Variants in FBXW8 observed in about 807,000 individuals in gnomAD.
FBXW8 encodes the protein F-box/WD repeat-containing protein 8.
FBXW8 carries 57 observed loss-of-function variants against 65.3 expected under a neutral mutation model. That is an observed-to-expected ratio of 0.87 (90% CI 0.71 to 1.09). FBXW8 has a LOEUF of 1.09. Among genes scored for constraint, FBXW8 ranks in the 50% least tolerant of loss-of-function variants. The pLI is 0.00. For synonymous variants in FBXW8, 308 were observed against 330.2 expected, an observed-to-expected ratio of 0.93 and a Z score of 0.73; for missense variants, 777 against 814.8, an observed-to-expected ratio of 0.95 and a Z score of 0.57.
intron 8 of FBXW8, 143 bp downstream of exon 8, chr12:117,010,593 C>T: frequency 3.8e-6 from 4 of 1,055,130 alleles, no homozygotes; most frequent in Non-Finnish European, 5.5e-6. Context: ...ACACTCTAGA[C>T]TCAGAGAACA....
At chr12:116,996,316 T>C (rs1406117139) in intron 7 of FBXW8, among the ~76,000 whole-genome samples, 4 of 152,176 alleles carry the variant, frequency 2.6e-5, no homozygotes, top group African/African-American at 9.7e-5. Context: ...ACGTCTCTTA[T>C]GATAATTATT....
At chr12:116,993,725 G>C (rs1289762318) in intron 7 of FBXW8, among the ~76,000 whole-genome samples, 1 of 151,982 alleles carries the variant, frequency 6.6e-6, no homozygotes. Context: ...TATTTCTTTT[G>C]CTGTGCAGAA....
rs964562879 is a variant in FBXW8, at chr12:117,030,108, G to T, written c.*1936G>T. ...GTGTACGTATCAGTGGGAAGTGCTT[G>T]CCATTACTCCAAAGCCTAGAACCTT... On this transcript the variant is annotated 3_prime_UTR_variant, in exon 11 of 11. Transcript: ENST00000652555. 1 of 152,142 alleles carries T rather than the reference G, an allele frequency of 6.6e-6. No individual in the cohort carries two copies. The highest frequency in any genetic ancestry group is 2.4e-5 in the African/African-American group (1 of 41,428). The allele number at this position is 152,142 out of a possible 1,614,324, so 9.4% of individuals were successfully genotyped here.
chr12:116,924,990 A>C (rs1294069927), intron 1 of FBXW8, among the ~76,000 whole-genome samples: 3 of 152,074 alleles, frequency 2.0e-5, no homozygotes, highest in Non-Finnish European at 4.4e-5. Flanking sequence ...TAGCTTACCT[A>C]GACTAATGTC....
At chr12:116,985,811 A>T (rs150266796) in intron 6 of FBXW8, 138 of 157,948 alleles carry the variant, frequency 8.7e-4, no homozygotes, top group African/African-American at 3.1e-3. Flanking sequence ...TCCATCTGGG[A>T]AGGAAGGTTT....
rs1883142989 is a variant in FBXW8 at position 116,949,638 on chromosome 12, C to T, written c.609C>T (p.Ser203=). ...TNWKNRKGAV[S]ELEHVPDTVL... is the part of the protein sequence containing the mutation. ...CGCAGAATCGCAAAGGTGCCGTGAG[C>T]GAGCTGGAGCATGTTCCTGACACAG... The change falls in exon 4 of 11, where the codon AGC becomes AGT. Residue 203 remains serine (S), a synonymous_variant. Transcript: ENST00000652555. 11 of 1,614,062 alleles carry T rather than the reference C, an allele frequency of 6.8e-6. No individual in the cohort carries two copies. The highest frequency in any genetic ancestry group is 4.5e-5 in the East Asian group (2 of 44,898).
intron 3 of FBXW8, among the ~76,000 whole-genome samples, chr12:116,948,054 T>A (rs1883047668): frequency 6.6e-6 from 1 of 152,172 alleles, no homozygotes; most frequent in Admixed American, 6.5e-5. Flanking sequence ...TAAGTCAGTG[T>A]CTGGGGAGAC....
intron 7 of FBXW8, among the ~76,000 whole-genome samples, chr12:116,990,207 C>T (rs1953203190): frequency 6.6e-6 from 1 of 152,212 alleles, no homozygotes. Context: ...GGCATCCTAT[C>T]ATCTCAATGT....
chr12:116,939,221 G>T (rs1010064656), intron 2 of FBXW8, among the ~76,000 whole-genome samples: 3 of 152,190 alleles, frequency 2.0e-5, no homozygotes, highest in African/African-American at 7.2e-5. Flanking sequence ...TCCAAAATTA[G>T]AAACTTTTTC....
chr12:116,973,423 C>T (rs1322469864), intron 5 of FBXW8, among the ~76,000 whole-genome samples: 2 of 152,190 alleles, frequency 1.3e-5, no homozygotes, highest in African/African-American at 4.8e-5. Context: ...AAAGATAACT[C>T]TGCAGTCAGG....
chr12:116,962,626 T>C (rs1884057178), intron 4 of FBXW8, among the ~76,000 whole-genome samples: 1 of 152,244 alleles, frequency 6.6e-6, no homozygotes, highest in Non-Finnish European at 1.5e-5. Flanking sequence ...GTGCCTTACT[T>C]TTCTGATCTG....
chr12:116,949,800 TGA>T, intron 4 of FBXW8, 94 bp downstream of exon 4: 1 of 1,110,012 alleles, frequency 9.0e-7, no homozygotes, highest in Middle Eastern at 2.0e-4. Flanking sequence ...TAGCTTCCTT[TGA>T]GAGCATGTAC....
chr12:116,952,180 A>G (rs1269542278), intron 4 of FBXW8, among the ~76,000 whole-genome samples: 4 of 152,140 alleles, frequency 2.6e-5, no homozygotes, highest in Non-Finnish European at 2.9e-5. Context: ...GTTTTAGTCA[A>G]TGATGGGCCC....
At chr12:116,916,275 C>T (rs1020596249) in intron 1 of FBXW8, among the ~76,000 whole-genome samples, 1 of 152,194 alleles carries the variant, frequency 6.6e-6, no homozygotes, top group Non-Finnish European at 1.5e-5. Context: ...TTGGTAGATA[C>T]TGACAGTTTT....
At position 116,931,186 on chromosome 12, in the gene FBXW8, G is replaced by A. The variant is rs1454328731; in HGVS notation, c.423+3059G>A. On this transcript the variant is annotated intron_variant, in intron 2 of 10. Coordinates refer to ENST00000652555, the MANE Select transcript of FBXW8 (RefSeq NM_153348.3). ...TTAGCACCTTCATTGAAAATCAGTT[G>A]ACTGTAAATGCACAGGCTTATTTCT... Among the ~76,000 whole-genome samples, 3 of 152,138 alleles carry A rather than the reference G, an allele frequency of 2.0e-5. No homozygotes were observed. The East Asian group carries it at 5.8e-4, about 29-fold the overall frequency.
intron 1 of FBXW8, among the ~76,000 whole-genome samples, chr12:116,923,924 A>G (rs990361145): frequency 2.6e-5 from 4 of 152,162 alleles, no homozygotes; most frequent in African/African-American, 9.7e-5. Flanking sequence ...CATGTTAGCC[A>G]GGATGATCTC....
intron 3 of FBXW8, among the ~76,000 whole-genome samples, chr12:116,948,469 T>G (rs1315054462): frequency 1.3e-5 from 2 of 152,090 alleles, no homozygotes; most frequent in Non-Finnish European, 2.9e-5. Context: ...GTTTCTAGAG[T>G]CTAGGTACTT....
chr12:117,007,815 A>G (rs764663339), intron 7 of FBXW8, among the ~76,000 whole-genome samples: 98 of 152,226 alleles, frequency 6.4e-4, no homozygotes, highest in Middle Eastern at 3.4e-3. Context: ...ACCTTATTAA[A>G]AGAGAGAGAG....
At chr12:116,983,144 T>A (rs531927651) in intron 5 of FBXW8, among the ~76,000 whole-genome samples, 67 of 152,182 alleles carry the variant, frequency 4.4e-4, no homozygotes, top group Non-Finnish European at 7.1e-4. Flanking sequence ...TTTTTCTCTT[T>A]ACTGTTGTGA....
Sources: allele counts gnomAD v4.1 joint callset (sites outside exome capture counted in the v4.1 genomes callset), GRCh38; gene constraint gnomAD v4.1.1; transcripts MANE v1.5; gene names NCBI Gene and HGNC (gene_info 2026-07-23, HGNC 2026-07-21).